The following CYSTM1 variants were observed in gnomAD, a reference collection of about 807,000 sequenced individuals.
The protein encoded by CYSTM1 is cysteine rich transmembrane module containing 1.
Under a neutral mutation model 13.1 loss-of-function variants are expected in CYSTM1, and 4 were observed. The ratio of observed to expected loss-of-function variants is 0.31; its 90% CI spans 0.15 to 0.70. The LOEUF (loss-of-function observed/expected upper bound fraction) is 0.70, where lower values mean the gene tolerates loss of function less well. Among genes scored for constraint, CYSTM1 ranks in the 30% least tolerant of loss-of-function variants. The pLI, the probability that CYSTM1 is intolerant of heterozygous loss-of-function variation, is 0.72. For synonymous variants in CYSTM1, 36 were observed against 42.7 expected, an observed-to-expected ratio of 0.84 and a Z score of 0.62; for missense variants, 96 against 121.6, an observed-to-expected ratio of 0.79 and a Z score of 0.99.
At chr5:140,193,201 G>C (rs967332354) in intron 1 of CYSTM1, among the ~76,000 whole-genome samples, 1 of 152,232 alleles carries the variant, frequency 6.6e-6, no homozygotes, top group African/African-American at 2.4e-5. Context: ...AACAGTACAA[G>C]GCAGCAGTAT....
intron 2 of CYSTM1, among the ~76,000 whole-genome samples, chr5:140,228,246 T>G (rs1204858180): frequency 6.6e-6 from 1 of 152,098 alleles, no homozygotes; most frequent in Non-Finnish European, 1.5e-5. Flanking sequence ...CTCCCTAAAT[T>G]CTCCTTCAAA....
intron 1 of CYSTM1, among the ~76,000 whole-genome samples, chr5:140,192,048 C>T (rs1360710396): frequency 1.3e-5 from 2 of 152,126 alleles, no homozygotes; most frequent in African/African-American, 2.4e-5. Flanking sequence ...TCCTGAGTCC[C>T]TTTCAGGCCC....
chr5:140,228,744 C>T lies in CYSTM1; in HGVS notation c.188-14561C>T, dbSNP rs150080341. 7.8e-4 allele frequency: 313 copies of T among 399,222 alleles called. 1 individual carries two copies. The highest frequency in any genetic ancestry group is 6.0e-3 in the African/African-American group (293 of 48,762). The allele number at this position is 399,222 out of a possible 1,614,324, so 24.7% of individuals were successfully genotyped here. Reference sequence around the variant, plus strand: ...CCCTTCAACAGTGTACGTGATAGAACGGGAAAGGAAGATGGACAGCGGGTG... The same window carrying T: ...CCCTTCAACAGTGTACGTGATAGAATGGGAAAGGAAGATGGACAGCGGGTG... On this transcript the variant is annotated intron_variant, in intron 2 of 2. Transcript: ENST00000261811.
intron 2 of CYSTM1, chr5:140,202,339 T>C (rs1483873385): frequency 6.6e-6 from 1 of 152,212 alleles, no homozygotes; most frequent in Non-Finnish European, 1.5e-5. Context: ...CAAAGAACAA[T>C]GTGAAACTGA....
At chr5:140,238,142 C>A (rs1049942613) in intron 2 of CYSTM1, among the ~76,000 whole-genome samples, 2 of 152,100 alleles carry the variant, frequency 1.3e-5, no homozygotes, top group African/African-American at 2.4e-5. Context: ...ACAGAAAAGC[C>A]AGGCCAGAGC....
chr5:140,177,078 A>AAAAAAAAAAAAAAAAAAAAAC (rs10679899), intron 1 of CYSTM1, among the ~76,000 whole-genome samples: 1 of 135,544 alleles, frequency 7.4e-6, no homozygotes, highest in East Asian at 2.3e-4. Flanking sequence ...CAAAAAAAAA[A>AAAAAAAAAAAAAAAAAAAAAC]AAAAAAAAAT....
intron 2 of CYSTM1, among the ~76,000 whole-genome samples, chr5:140,214,884 G>A (rs1010394265): frequency 6.6e-6 from 1 of 152,144 alleles, no homozygotes; most frequent in Admixed American, 6.6e-5. Context: ...ATTGGTGTGG[G>A]GACCATCCGA....
chr5:140,225,883 C>T (rs912396418), intron 2 of CYSTM1, among the ~76,000 whole-genome samples: 12 of 152,324 alleles, frequency 7.9e-5, no homozygotes, highest in Middle Eastern at 6.8e-3. Flanking sequence ...ACTGGAACTC[C>T]GTTACCTCCT....
intron 2 of CYSTM1, among the ~76,000 whole-genome samples, chr5:140,206,809 T>A (rs1198113487): frequency 2.6e-5 from 4 of 152,070 alleles, no homozygotes; most frequent in African/African-American, 4.8e-5. Flanking sequence ...TTTTAAAAAA[T>A]TTTTTGTAGA....
chr5:140,243,049 G>C (rs1335503975), intron 2 of CYSTM1, among the ~76,000 whole-genome samples: 1 of 152,204 alleles, frequency 6.6e-6, no homozygotes, highest in East Asian at 1.9e-4. Flanking sequence ...TTGGCATGGG[G>C]CCATTCTGCA....
At chr5:140,242,635 G>C (rs866980852) in intron 2 of CYSTM1, among the ~76,000 whole-genome samples, 1 of 152,164 alleles carries the variant, frequency 6.6e-6, no homozygotes, top group African/African-American at 2.4e-5. Context: ...TTAGCACTCA[G>C]ATCTCTCGAT....
intron 1 of CYSTM1, among the ~76,000 whole-genome samples, chr5:140,177,784 G>T (rs1322626382): frequency 1.3e-5 from 2 of 152,144 alleles, no homozygotes; most frequent in African/African-American, 4.8e-5. Flanking sequence ...ATTAAGAATC[G>T]CTGGAAATCA....
intron 2 of CYSTM1, among the ~76,000 whole-genome samples, chr5:140,208,492 A>G (rs1764324227): frequency 6.6e-6 from 1 of 151,580 alleles, no homozygotes; most frequent in African/African-American, 2.4e-5. Flanking sequence ...ATAGTTAGAA[A>G]GAATGAATGA....
intron 1 of CYSTM1, among the ~76,000 whole-genome samples, chr5:140,189,611 C>T (rs1326276834): frequency 3.3e-5 from 5 of 152,082 alleles, no homozygotes; most frequent in Non-Finnish European, 5.9e-5. Flanking sequence ...TGTTGTTTCA[C>T]GTAATAATAG....
intron 2 of CYSTM1, among the ~76,000 whole-genome samples, chr5:140,225,068 G>A (rs767775459): frequency 9.2e-5 from 14 of 152,164 alleles, no homozygotes; most frequent in Non-Finnish European, 2.1e-4. Flanking sequence ...TGTTGTCCTA[G>A]CTACTTGGGA....
At chr5:140,227,133 G>A (rs13188675) in intron 2 of CYSTM1, among the ~76,000 whole-genome samples, 35,060 of 152,150 alleles carry the variant, frequency 0.23, 4,076 homozygotes, top group African/African-American at 0.25. Flanking sequence ...AGAGACCAAT[G>A]GCGCCTGCTC....
At chr5:140,189,307 T>A (rs1256518753) in intron 1 of CYSTM1, among the ~76,000 whole-genome samples, 1 of 151,918 alleles carries the variant, frequency 6.6e-6, no homozygotes, top group Non-Finnish European at 1.5e-5. Context: ...TTTAAAAGAG[T>A]CTGAGATCTC....
intron 1 of CYSTM1, among the ~76,000 whole-genome samples, chr5:140,182,342 T>C (rs1763969581): frequency 1.3e-5 from 2 of 152,174 alleles, no homozygotes; most frequent in Admixed American, 6.5e-5. Flanking sequence ...TCCTATCTTT[T>C]CCTAAAACTT....
intron 2 of CYSTM1, among the ~76,000 whole-genome samples, chr5:140,218,084 G>A (rs942544967): frequency 9.2e-5 from 14 of 152,140 alleles, no homozygotes; most frequent in African/African-American, 1.7e-4. Flanking sequence ...CCAGCTAGCC[G>A]ATATGGTCGG....
Sources: allele counts gnomAD v4.1 joint callset (sites outside exome capture counted in the v4.1 genomes callset), GRCh38; gene constraint gnomAD v4.1.1; transcripts MANE v1.5; gene names NCBI Gene and HGNC (gene_info 2026-07-23, HGNC 2026-07-21).